ZFHX3: variants seen among roughly 807,000 people sequenced by gnomAD.
ZFHX3 encodes zinc finger homeobox protein 3.
Under a neutral mutation model 279.1 loss-of-function variants are expected in ZFHX3, and 42 were observed. The observed-to-expected ratio is 0.15, with a 90% confidence interval of 0.12 to 0.19. ZFHX3 has a LOEUF of 0.19. ZFHX3 is among the 10% of genes least tolerant of loss of function. The pLI is 1.00. For missense variants in ZFHX3, 4,981 were observed against 4,754.0 expected (o/e 1.05, Z -1.40); for synonymous variants, 2,293 against 1,957.8 (o/e 1.17, Z -4.52).
rs1427334967 is a variant in ZFHX3, at chr16:72,794,111, A to G, written c.8571T>C (p.Ser2857=). 3.7e-6 allele frequency: 6 copies of G among 1,614,196 alleles called. No individual in the cohort carries two copies. In the South Asian group the frequency reaches 6.6e-5, roughly 18 times the overall value. The change falls in exon 9 of 10, where the codon AGT becomes AGC. Residue 2857 remains serine, a synonymous_variant. Coordinates refer to ENST00000268489, the MANE Select transcript of ZFHX3 (RefSeq NM_006885.4). This position sits in a 1 kb window ranked among gnomAD's most constrained non-coding sequence, Gnocchi z 4.2. ...TGDEGNADND[S]ATGIATETKS... ...TGGTTTCAGTTGCTATTCCCGTTGC[A>G]CTGTCGTTATCTGCGTTGCCCTCGT... is the stretch of plus-strand genomic sequence containing the variant.
chr16:73,464,176 GA>G (rs1436631592), intron 2 of ZFHX3, among the ~76,000 whole-genome samples: 1 of 152,070 alleles, frequency 6.6e-6, no homozygotes, highest in Admixed American at 6.6e-5. Context: ...AAGGGAGAGA[GA>G]AAGGGAATGA....
intron 1 of ZFHX3, among the ~76,000 whole-genome samples, chr16:73,702,441 C>A (rs946130716): frequency 1.3e-5 from 2 of 152,192 alleles, no homozygotes; most frequent in African/African-American, 4.8e-5. Context: ...CCAGGATTCA[C>A]AGACAGGTAA....
At chr16:73,171,702 TC>T (rs1166614727) in intron 5 of ZFHX3, among the ~76,000 whole-genome samples, 1 of 152,156 alleles carries the variant, frequency 6.6e-6, no homozygotes, top group Non-Finnish European at 1.5e-5. Flanking sequence ...GTTCTCGACA[TC>T]TGCATATATA....
At chr16:72,906,240 G>A (rs2039168341) in intron 3 of ZFHX3, among the ~76,000 whole-genome samples, 1 of 151,898 alleles carries the variant, frequency 6.6e-6, no homozygotes, top group Non-Finnish European at 1.5e-5. Context: ...TTTTTAAGTG[G>A]CAAAATACAG....
At chr16:73,596,324 C>T (rs1272450871) in intron 2 of ZFHX3, among the ~76,000 whole-genome samples, 1 of 152,034 alleles carries the variant, frequency 6.6e-6, no homozygotes, top group Non-Finnish European at 1.5e-5. Flanking sequence ...CACCTGGCCT[C>T]GACCATTACT....
chr16:72,902,259 C>T (rs536431422), intron 3 of ZFHX3, among the ~76,000 whole-genome samples: 2 of 152,144 alleles, frequency 1.3e-5, no homozygotes, highest in Non-Finnish European at 2.9e-5. Context: ...TACAGCTGTT[C>T]GTTCCTTTAA....
At chr16:73,561,118 C>T (rs1352386882) in intron 2 of ZFHX3, among the ~76,000 whole-genome samples, 1 of 152,172 alleles carries the variant, frequency 6.6e-6, no homozygotes, top group African/African-American at 2.4e-5. Flanking sequence ...GAAATACAAA[C>T]CTAACTGGGT....
intron 3 of ZFHX3, among the ~76,000 whole-genome samples, chr16:73,391,885 A>G (rs2017019815): frequency 6.6e-6 from 1 of 152,206 alleles, no homozygotes. Flanking sequence ...TCAATGACAG[A>G]AGACTAAGAA....
intron 1 of ZFHX3, among the ~76,000 whole-genome samples, chr16:73,792,004 T>A (rs1419464236): frequency 6.6e-6 from 1 of 152,160 alleles, no homozygotes. Flanking sequence ...TGGTGATAAA[T>A]CAATGGCAGA....
intron 1 of ZFHX3, among the ~76,000 whole-genome samples, chr16:73,022,471 G>T (rs974956203): frequency 6.6e-6 from 1 of 152,104 alleles, no homozygotes; most frequent in African/African-American, 2.4e-5. Flanking sequence ...TTCTTCGTTG[G>T]GGATGAGGGT....
intron 4 of ZFHX3, among the ~76,000 whole-genome samples, chr16:72,834,793 TCTAG>T (rs1191063606): frequency 2.0e-5 from 3 of 151,852 alleles, no homozygotes; most frequent in African/African-American, 7.3e-5. Context: ...AAGAAAATGT[TCTAG>T]CTGTTTAAAA....
At chr16:73,830,819 A>C (rs566490334) in intron 1 of ZFHX3, among the ~76,000 whole-genome samples, 1 of 152,348 alleles carries the variant, frequency 6.6e-6, no homozygotes, top group African/African-American at 2.4e-5. Flanking sequence ...AATATTGCCA[A>C]AGATGCCGTT....
intron 5 of ZFHX3, among the ~76,000 whole-genome samples, chr16:72,822,615 AG>A (rs1313924817): frequency 2.0e-5 from 3 of 152,236 alleles, no homozygotes; most frequent in Non-Finnish European, 4.4e-5. Context: ...AAAGCAGGCA[AG>A]ATTAACATGG....
intron 1 of ZFHX3, among the ~76,000 whole-genome samples, chr16:73,804,756 T>G (rs1476314686): frequency 3.9e-5 from 6 of 152,060 alleles, no homozygotes; most frequent in Non-Finnish European, 8.8e-5. Flanking sequence ...CTGTGAATAC[T>G]TCACCTTTCT....
At chr16:73,251,859 C>A (rs1266844383) in intron 5 of ZFHX3, among the ~76,000 whole-genome samples, 1 of 143,910 alleles carries the variant, frequency 6.9e-6, no homozygotes, top group Non-Finnish European at 1.5e-5. Context: ...ACACACCGCA[C>A]ACACGCACAC....
chr16:72,881,739 G>A (rs918205354), intron 4 of ZFHX3, among the ~76,000 whole-genome samples: 1 of 152,144 alleles, frequency 6.6e-6, no homozygotes, highest in Non-Finnish European at 1.5e-5. Flanking sequence ...GAGGACGGCT[G>A]CCACTTCCTG....
chr16:73,131,108 G>C, intron 6 of ZFHX3: 4 of 608,924 alleles, frequency 6.6e-6, no homozygotes, highest in Non-Finnish European at 1.1e-5. Context: ...TAAAGTGGGA[G>C]TAATAATAGG....
chr16:73,420,223 T>C (rs545317577), intron 3 of ZFHX3: 1 of 152,332 alleles, frequency 6.6e-6, no homozygotes, highest in African/African-American at 2.4e-5. Context: ...ATGTTTCAAA[T>C]ACTTGAGGTA....
At chr16:72,854,566 T>A (rs893170856) in intron 4 of ZFHX3, among the ~76,000 whole-genome samples, 2 of 152,086 alleles carry the variant, frequency 1.3e-5, no homozygotes, top group African/African-American at 4.8e-5. Flanking sequence ...CAGAAGATGG[T>A]CCTGGACAAA....
Sources: gnomAD v4.1 joint callset for allele counts (sites outside exome capture counted in the v4.1 genomes callset) on GRCh38, gnomAD v4.1.1 for gene constraint, Gnocchi (gnomAD v3.1) non-coding constraint, MANE v1.5 for transcripts, NCBI Gene and HGNC (gene_info 2026-07-23, HGNC 2026-07-21) for gene names.